The following MOB1B variants were observed in gnomAD, a reference collection of about 807,000 sequenced individuals.
The protein encoded by MOB1B is MOB1 Mps One Binder homolog B.
A neutral mutation model predicts 24.4 loss-of-function variants in MOB1B; 19 were observed. The ratio of observed to expected loss-of-function variants is 0.78; its 90% CI spans 0.54 to 1.14. The LOEUF (loss-of-function observed/expected upper bound fraction) is 1.14. Among genes scored for constraint, MOB1B ranks in the 50% most tolerant of loss-of-function variants. The pLI, the probability that MOB1B is intolerant of heterozygous loss-of-function variation, is 0.00. For missense variants in MOB1B, 243 were observed against 259.6 expected (o/e 0.94, Z 0.44); for synonymous variants, 76 against 82.1 (o/e 0.93, Z 0.40).
At chr4:70,938,774 TG>T (rs1737198532) in intron 1 of MOB1B, among the ~76,000 whole-genome samples, 1 of 89,262 alleles carries the variant, frequency 1.1e-5, no homozygotes, top group Non-Finnish European at 2.0e-5. Context: ...ATTTTAGGAT[TG>T]GGTTTTTTTT....
intron 1 of MOB1B, among the ~76,000 whole-genome samples, chr4:70,905,368 C>T (rs540831669): frequency 3.9e-4 from 59 of 151,956 alleles, no homozygotes; most frequent in Non-Finnish European, 7.1e-4. Flanking sequence ...ACCCCCTCCC[C>T]GCTACAAGTA....
At chr4:70,948,646 T>C (rs1737680414) in intron 1 of MOB1B, among the ~76,000 whole-genome samples, 1 of 152,200 alleles carries the variant, frequency 6.6e-6, no homozygotes, top group South Asian at 2.1e-4. Flanking sequence ...GATATATTGT[T>C]GAGTAGTTCT....
chr4:70,940,118 G>A (rs1332237353), intron 1 of MOB1B, among the ~76,000 whole-genome samples: 1 of 151,366 alleles, frequency 6.6e-6, no homozygotes, highest in Non-Finnish European at 1.5e-5. Flanking sequence ...CCGCTGATGT[G>A]TTCCTCTCCA....
chr4:70,902,381 T>G lies in MOB1B; in HGVS notation c.-156T>G. 1 of 744,680 alleles carries G rather than the reference T, an allele frequency of 1.3e-6. No individual in the cohort carries two copies. Among genetic ancestry groups the G allele is most frequent in the Non-Finnish European group, 2.4e-6 (1 of 421,208 alleles). The allele number at this position is 744,680 out of a possible 1,614,324, so 46.1% of individuals were successfully genotyped here. A position where few individuals can be genotyped will look rare whatever the true frequency, so the allele number is the denominator to read the frequency against. On this transcript the variant is annotated 5_prime_UTR_variant, in exon 1 of 6. Coordinates refer to ENST00000309395, the MANE Select transcript of MOB1B (RefSeq NM_173468.4). ...CCCTCCCCCTGCCATTGGAACTAGC[T>G]GAGCCGAACTAGTTGCGGCCACCGA...
chr4:70,981,224 T>G (rs1446267613), intron 5 of MOB1B, among the ~76,000 whole-genome samples: 1 of 152,218 alleles, frequency 6.6e-6, no homozygotes, highest in African/African-American at 2.4e-5. Flanking sequence ...AATGCTTCTC[T>G]CCAGTATTTA....
chr4:70,963,850 C>T (rs1057398270), intron 2 of MOB1B, among the ~76,000 whole-genome samples: 8 of 151,480 alleles, frequency 5.3e-5, no homozygotes, highest in African/African-American at 7.3e-5. Flanking sequence ...CAAAAAAAAC[C>T]CCAAACAAAC....
intron 1 of MOB1B, among the ~76,000 whole-genome samples, chr4:70,921,522 C>T (rs1017165809): frequency 7.5e-6 from 1 of 133,668 alleles, no homozygotes; most frequent in Admixed American, 7.6e-5. Flanking sequence ...CTTCCCTTTT[C>T]CTGAGATGGA....
intron 1 of MOB1B, among the ~76,000 whole-genome samples, chr4:70,944,665 G>A (rs1737498674): frequency 2.0e-5 from 3 of 152,110 alleles, no homozygotes; most frequent in Non-Finnish European, 4.4e-5. Context: ...TTCTGGGGAG[G>A]CCTCAGGAAG....
intron 1 of MOB1B, among the ~76,000 whole-genome samples, chr4:70,936,992 C>G (rs1223856486): frequency 3.3e-5 from 5 of 152,104 alleles, no homozygotes; most frequent in African/African-American, 1.2e-4. Flanking sequence ...TCTCAGCTCA[C>G]TGCAACCTCT....
intron 5 of MOB1B, among the ~76,000 whole-genome samples, chr4:70,979,657 G>A (rs902801500): frequency 1.3e-5 from 2 of 152,134 alleles, no homozygotes; most frequent in African/African-American, 4.8e-5. Flanking sequence ...CTTTATTAGC[G>A]GACTCTGGTG....
At chr4:70,920,801 A>G (rs1736406782) in intron 1 of MOB1B, among the ~76,000 whole-genome samples, 1 of 152,224 alleles carries the variant, frequency 6.6e-6, no homozygotes, top group South Asian at 2.1e-4. Context: ...AAAGAGAAGT[A>G]TGATTCAAAT....
chr4:70,902,504 A>T lies in MOB1B; in HGVS notation c.-33A>T, dbSNP rs374958368. ...GCCCACGCCGCTCCGAGGCCTCGCG[A>T]CCGCCGAGCCTGCAGCCTGCCCCGC... On this transcript the variant is annotated 5_prime_UTR_variant, in exon 1 of 6. Transcript: ENST00000309395. 149 of 1,554,654 alleles carry T rather than the reference A, an allele frequency of 9.6e-5. No homozygotes were observed. In the African/African-American group the frequency reaches 1.9e-3, roughly 20 times the overall value.
chr4:70,981,421 A>G (rs1216792944), intron 5 of MOB1B, among the ~76,000 whole-genome samples: 1 of 152,224 alleles, frequency 6.6e-6, no homozygotes, highest in Admixed American at 6.5e-5. Context: ...AAGGAGCACA[A>G]ATTAAATTCA....
At chr4:70,970,907 G>T (rs765232887) in intron 3 of MOB1B, among the ~76,000 whole-genome samples, 7 of 152,234 alleles carry the variant, frequency 4.6e-5, no homozygotes, top group Non-Finnish European at 7.3e-5. Context: ...ACACAAAGCT[G>T]TGTTTGAACC....
rs1236250481 is a variant in MOB1B, at chr4:70,902,487, C to T, written c.-50C>T. 2 of 1,549,710 alleles carry T rather than the reference C, an allele frequency of 1.3e-6. No individual in the cohort carries two copies. The highest frequency in any genetic ancestry group is 1.7e-6 in the Non-Finnish European group (2 of 1,145,546). ...TTTCCTCTTCTTTCCTGGCCCACGC[C>T]GCTCCGAGGCCTCGCGACCGCCGAG... On this transcript the variant is annotated 5_prime_UTR_variant, in exon 1 of 6. Transcript: ENST00000309395.
chr4:70,917,264 T>C (rs537739552), intron 1 of MOB1B, among the ~76,000 whole-genome samples: 2 of 152,310 alleles, frequency 1.3e-5, no homozygotes, highest in South Asian at 2.1e-4. Flanking sequence ...CTTTTATCTA[T>C]GGAAGTATAA....
At chr4:70,964,602 G>A (rs888970309) in intron 2 of MOB1B, among the ~76,000 whole-genome samples, 2 of 152,120 alleles carry the variant, frequency 1.3e-5, no homozygotes, top group African/African-American at 4.8e-5. Context: ...TCCAGAGGTT[G>A]GAAAAACAAC....
At chr4:70,929,285 TC>T (rs1281071664) in intron 1 of MOB1B, among the ~76,000 whole-genome samples, 1 of 150,470 alleles carries the variant, frequency 6.6e-6, no homozygotes, top group Admixed American at 6.7e-5. Context: ...TTCAAGTGTT[TC>T]TCCTGCATTA....
chr4:70,950,711 C>A, intron 1 of MOB1B: 1 of 1,522,996 alleles, frequency 6.6e-7, no homozygotes, highest in Non-Finnish European at 8.8e-7. Context: ...AGTTCTCAGC[C>A]TGAAGTTGAC....
Sources: gnomAD v4.1 joint callset for allele counts (sites outside exome capture counted in the v4.1 genomes callset) on GRCh38, gnomAD v4.1.1 for gene constraint, MANE v1.5 for transcripts, NCBI Gene and HGNC (gene_info 2026-07-23, HGNC 2026-07-21) for gene names.